CABP7: variants seen among roughly 807,000 people sequenced by gnomAD.
CABP7 encodes the protein calcium binding protein 7.
In CABP7, 13 loss-of-function variants were observed where a neutral mutation model predicts 23.1. That is an observed-to-expected ratio of 0.56 (90% CI 0.37 to 0.90). CABP7 has a LOEUF of 0.90. CABP7 is among the 40% of genes least tolerant of loss of function. The probability of loss-of-function intolerance (pLI) is 0.01; values close to 1 mark genes in which losing one functional copy is unlikely to be tolerated. For missense variants in CABP7, 248 were observed against 295.6 expected, an observed-to-expected ratio of 0.84 and a Z score of 1.18; for synonymous variants, 123 against 115.3, an observed-to-expected ratio of 1.07 and a Z score of -0.43.
intron 1 of CABP7, among the ~76,000 whole-genome samples, chr22:29,725,471 G>A (rs2067789052): frequency 6.6e-6 from 1 of 152,184 alleles, no homozygotes; most frequent in African/African-American, 2.4e-5. Context: ...TGCTCGAAGA[G>A]GCAGGCCCCG....
At position 29,729,863 on chromosome 22, in the gene CABP7, A is replaced by C; in HGVS notation, c.*294A>C. The C allele has an allele frequency of 2.3e-6, 1 of 433,988 alleles. No individual in the cohort carries two copies. Among genetic ancestry groups the C allele is most frequent in the East Asian group, 4.3e-5 (1 of 23,234 alleles). The allele number at this position is 433,988 out of a possible 1,614,324, so 26.9% of individuals were successfully genotyped here. A position where few individuals can be genotyped will look rare whatever the true frequency, so the allele number is the denominator to read the frequency against. On this transcript the variant is annotated 3_prime_UTR_variant, in exon 5 of 5. Coordinates refer to ENST00000216144, the MANE Select transcript of CABP7 (RefSeq NM_182527.3). ...CCATCCAGGGGCTCCTGGGAAATTAAGGAGGGATTTGCACAGGAACCCCCA... is the reference window on the plus strand; with the variant it reads ...CCATCCAGGGGCTCCTGGGAAATTACGGAGGGATTTGCACAGGAACCCCCA...
chr22:29,727,638 C>T lies in CABP7; in HGVS notation c.110-24C>T. On this transcript the variant is annotated intron_variant, in intron 1 of 4. Coordinates refer to ENST00000216144, the MANE Select transcript of CABP7 (RefSeq NM_182527.3). This position sits in a 1 kb window ranked among gnomAD's most constrained non-coding sequence, Gnocchi z 4.2. ...TCTGTTGGGGACCGGGGTGAAGTCC[C>T]AGCCTACTCCATTCTCTCCTCAGAG... is the stretch of plus-strand genomic sequence containing the variant. 6.2e-7 allele frequency: 1 copy of T among 1,613,128 alleles called. No homozygotes were observed. Among genetic ancestry groups the T allele is most frequent in the East Asian group, 2.2e-5 (1 of 44,846 alleles).
chr22:29,729,549 C>A lies in CABP7; in HGVS notation c.628C>A (p.Leu210Met). Reference protein sequence around the residue: ...SVMLIAANQVLRSGMK With the variant: ...SVMLIAANQVMRSGMK The stretch of plus-strand genomic sequence containing the variant: ...CATGCTCATTGCGGCCAACCAGGTG[C>A]TGCGCAGTGGCATGAAGTAGACGCC... The change falls in exon 5 of 5, where the codon CTG (leucine) becomes ATG (methionine). Residue 210 changes from leucine (L) to methionine (M), a missense_variant. Leu to Met is a conservative substitution (Grantham distance 15). Coordinates refer to ENST00000216144, the MANE Select transcript of CABP7 (RefSeq NM_182527.3). 5.0e-6 allele frequency: 8 copies of A among 1,611,478 alleles called. No individual in the cohort carries two copies. Among genetic ancestry groups the A allele is most frequent in the Non-Finnish European group, 6.8e-6 (8 of 1,179,956 alleles).
rs2067752756 is a variant in CABP7 at position 29,720,540 on chromosome 22, G to A, written c.109+7G>A. 3.3e-6 allele frequency: 5 copies of A among 1,519,252 alleles called. No homozygotes were observed. Among genetic ancestry groups the A allele is most frequent in the Non-Finnish European group, 2.7e-6 (3 of 1,131,692 alleles). The allele number at this position is 1,519,252 out of a possible 1,614,324, so 94.1% of individuals were successfully genotyped here. On this transcript the variant is annotated splice_region_variant and intron_variant, in intron 1 of 4. Coordinates refer to ENST00000216144, the MANE Select transcript of CABP7 (RefSeq NM_182527.3). This position sits in a 1 kb window ranked among gnomAD's most constrained non-coding sequence, Gnocchi z 5.2. ...CCGGAGGACGAGCTGGAGGGTGAGT[G>A]TCCGCCGGGATCCCCGCCCCGGCGG...
chr22:29,726,328 C>T (rs1239486971), intron 1 of CABP7, among the ~76,000 whole-genome samples: 1 of 152,228 alleles, frequency 6.6e-6, no homozygotes, highest in East Asian at 1.9e-4. Context: ...GGACATGTGG[C>T]CATCCTCTCC....
At position 29,730,205 on chromosome 22, in the gene CABP7, AC is replaced by A. The variant is rs2067829316; in HGVS notation, c.*639del. The A allele has an allele frequency of 6.5e-6, 1 of 152,672 alleles. No homozygotes were observed. The highest frequency in any genetic ancestry group is 6.6e-5 in the Admixed American group (1 of 15,262). 9.5% of individuals were successfully genotyped at this position (152,672 alleles called of 1,614,324 possible). On this transcript the variant is annotated 3_prime_UTR_variant, in exon 5 of 5. Transcript: ENST00000216144. ...GGCCAGCCCATTTCACAGGTGAGGA[AC>A]CCGAGGCTCAGGGCCCCGAGACTTG...
At chr22:29,728,284 C>T (rs997332537) in intron 2 of CABP7, among the ~76,000 whole-genome samples, 32 of 152,210 alleles carry the variant, frequency 2.1e-4, no homozygotes, top group African/African-American at 7.7e-4. Flanking sequence ...CCACTCTGAG[C>T]TTCAGTTCCT....
At chr22:29,726,860 G>A (rs963098584) in intron 1 of CABP7, among the ~76,000 whole-genome samples, 10 of 152,214 alleles carry the variant, frequency 6.6e-5, no homozygotes, top group African/African-American at 2.4e-4. Context: ...AAGGTGACAG[G>A]TGAGGACCCC....
chr22:29,727,793 C>T lies in CABP7; in HGVS notation c.241C>T (p.Leu81=), dbSNP rs770451668. 53 of 1,610,524 alleles carry T rather than the reference C, an allele frequency of 3.3e-5. No individual in the cohort carries two copies. The highest frequency in any genetic ancestry group is 6.6e-5 in the South Asian group (6 of 90,690). ...GGAGCTGGAGGTCATCATCCAGCGG[C>T]TGGACATGGATGGTGAGCACCCCCC... ...EVELEVIIQR[L]DMDGDGQVDF... The change falls in exon 2 of 5, where the codon CTG becomes TTG. Residue 81 remains leucine (L), a synonymous_variant. Transcript: ENST00000216144. This position sits in a 1 kb window ranked among gnomAD's most constrained non-coding sequence, Gnocchi z 4.2.
rs1041574107 is a variant in CABP7, at chr22:29,720,361, G to T, written c.-64G>T. 1.7e-5 allele frequency: 17 copies of T among 1,006,114 alleles called. No homozygotes were observed. In the Admixed American group the frequency reaches 6.8e-4, roughly 40 times the overall value. 62.3% of individuals were successfully genotyped at this position (1,006,114 alleles called of 1,614,324 possible). ...GCCCGCTCCAGCCGCCCCCGGGGCC[G>T]CCACCGGCCCATGAGCCCCGGCCTC... On this transcript the variant is annotated 5_prime_UTR_variant, in exon 1 of 5. Transcript: ENST00000216144. This position sits in a 1 kb window ranked among gnomAD's most constrained non-coding sequence, Gnocchi z 5.2.
At chr22:29,728,409 C>T (rs2147208655) in intron 2 of CABP7, among the ~76,000 whole-genome samples, 1 of 152,312 alleles carries the variant, frequency 6.6e-6, no homozygotes, top group East Asian at 1.9e-4. Flanking sequence ...CTCCACCTCC[C>T]CTTGTAAGGC....
rs764448101 is a variant in CABP7, at chr22:29,728,702, A to G, written c.326A>G (p.Glu109Gly). The change falls in exon 3 of 5, where the codon GAG (glutamate) becomes GGG (glycine). Residue 109 changes from glutamate to glycine, a missense_variant. Transcript: ENST00000216144. Reference protein sequence around the residue: ...GPKLSTSGIPEKFHGTDFDTV... With the variant: ...GPKLSTSGIPGKFHGTDFDTV... ...AAACTCTCCACCTCAGGGATCCCAG[A>G]GAAGTTCCATGGCACCGACTTTGAT... 2 of 1,613,690 alleles carry G rather than the reference A, an allele frequency of 1.2e-6. No individual in the cohort carries two copies. The highest frequency in any genetic ancestry group is 3.3e-5 in the Admixed American group (2 of 60,014).
chr22:29,723,719 G>T (rs2067777469), intron 1 of CABP7, among the ~76,000 whole-genome samples: 1 of 152,224 alleles, frequency 6.6e-6, no homozygotes, highest in Admixed American at 6.5e-5. Context: ...GCAAGGCCAG[G>T]AGCCGCCTCT....
rs983859533 is a variant in CABP7, at chr22:29,727,063, C to G, written c.110-599C>G. ...CCGTACAGTGTGGAGGGCGACCCCCCACCCAGTCTGGTCTGGCCTGGACCT... is the reference window on the plus strand; with the variant it reads ...CCGTACAGTGTGGAGGGCGACCCCCGACCCAGTCTGGTCTGGCCTGGACCT... On this transcript the variant is annotated intron_variant, in intron 1 of 4. Coordinates refer to ENST00000216144, the MANE Select transcript of CABP7 (RefSeq NM_182527.3). This position sits in a 1 kb window ranked among gnomAD's most constrained non-coding sequence, Gnocchi z 4.2. 3.3e-5 allele frequency among the ~76,000 whole-genome samples: 5 copies of G among 152,206 alleles called. No homozygotes were observed. Among genetic ancestry groups the G allele is most frequent in the Non-Finnish European group, 7.3e-5 (5 of 68,034 alleles).
At position 29,727,677 on chromosome 22, in the gene CABP7, T is replaced by C; in HGVS notation, c.125T>C (p.Phe42Ser). The C allele has an allele frequency of 6.2e-7, 1 of 1,613,764 alleles. No homozygotes were observed. The highest frequency in any genetic ancestry group is 8.5e-7 in the Non-Finnish European group (1 of 1,179,934). Reference protein sequence around the residue: ...EDELEEIREAFKVFDRDGNGF... With the variant: ...EDELEEIREASKVFDRDGNGF... ...CTCTCCTCAGAGATCCGAGAGGCCT[T>C]CAAGGTGTTTGACCGTGACGGCAAT... Residue 42 changes from phenylalanine to serine, a missense_variant, in exon 2 of 5, where the codon TTC (phenylalanine) becomes TCC (serine). Phe to Ser is a radical substitution (Grantham distance 155). Coordinates refer to ENST00000216144, the MANE Select transcript of CABP7 (RefSeq NM_182527.3). The surrounding 1 kb of genome is among the most constrained non-coding windows in gnomAD (Gnocchi z 4.2).
chr22:29,729,195 C>A lies in CABP7; in HGVS notation c.507C>A (p.Pro169=), dbSNP rs569823731. The A allele has an allele frequency of 6.2e-7, 1 of 1,607,866 alleles. No homozygotes were observed. The highest frequency in any genetic ancestry group is 2.2e-5 in the East Asian group (1 of 44,644). The part of the protein sequence containing the change: ...ESHLGTAEEC[P]VDVETCSNQQ... ...ACCTGGGCACAGCCGAGGAGTGTCCCGTGGATGTGGAGAGTGAGTGGCTGG... is the reference window on the plus strand; with the variant it reads ...ACCTGGGCACAGCCGAGGAGTGTCCAGTGGATGTGGAGAGTGAGTGGCTGG... Residue 169 remains proline (P), a synonymous_variant, in exon 4 of 5, where the codon CCC becomes CCA. Coordinates refer to ENST00000216144, the MANE Select transcript of CABP7 (RefSeq NM_182527.3).
intron 1 of CABP7, among the ~76,000 whole-genome samples, chr22:29,723,013 T>A (rs2067772137): frequency 6.6e-6 from 1 of 152,184 alleles, no homozygotes; most frequent in Admixed American, 6.5e-5. Context: ...GGGCAATCGC[T>A]CACCTCTCTG....
chr22:29,725,969 C>T (rs150810549), intron 1 of CABP7, among the ~76,000 whole-genome samples: 38 of 152,332 alleles, frequency 2.5e-4, no homozygotes, highest in South Asian at 4.1e-4. Flanking sequence ...CCTCAGCTCA[C>T]ACATCCCCTG....
rs2067800436 is a variant in CABP7 at position 29,727,082 on chromosome 22, TGGACCTGGAGGG to T, written c.110-577_110-566del. Among the ~76,000 whole-genome samples the T allele has an allele frequency of 6.6e-6, 1 of 152,176 alleles. No homozygotes were observed. Among genetic ancestry groups the T allele is most frequent in the Non-Finnish European group, 1.5e-5 (1 of 68,022 alleles). On this transcript the variant is annotated intron_variant, in intron 1 of 4. Transcript: ENST00000216144. The surrounding 1 kb of genome is among the most constrained non-coding windows in gnomAD (Gnocchi z 4.2). ...ACCCCCCACCCAGTCTGGTCTGGCC[TGGACCTGGAGGG>T]GGGCTCCTTCCCCCTCTGTCTTCCC...
Sources: gnomAD v4.1 joint callset for allele counts (sites outside exome capture counted in the v4.1 genomes callset) on GRCh38, gnomAD v4.1.1 for gene constraint, Gnocchi (gnomAD v3.1) non-coding constraint, MANE v1.5 for transcripts, NCBI Gene and HGNC (gene_info 2026-07-23, HGNC 2026-07-21) for gene names.